Variants in ADCK1 observed in about 807,000 individuals in gnomAD.
ADCK1 encodes aarF domain-containing protein kinase 1.
A neutral mutation model predicts 52.3 loss-of-function variants in ADCK1; 41 were observed. The ratio of observed to expected loss-of-function variants is 0.78; its 90% confidence interval spans 0.61 to 1.02. The LOEUF is 1.02. Ranked by LOEUF, ADCK1 falls within the 50% of genes least tolerant of loss-of-function variation. The pLI, the probability that ADCK1 is intolerant of heterozygous loss-of-function variation, is 0.00. For synonymous variants in ADCK1, 250 were observed against 274.6 expected (o/e 0.91, Z 0.89); for missense variants, 658 against 679.5 (o/e 0.97, Z 0.35).
At chr14:77,859,458 G>A (rs972826607) in intron 4 of ADCK1, among the ~76,000 whole-genome samples, 179 bp downstream of exon 4, 3 of 152,208 alleles carry the variant, frequency 2.0e-5, no homozygotes, top group Non-Finnish European at 2.9e-5. Context: ...GGCCCTCAGT[G>A]AAACATACCA....
At chr14:77,831,388 C>T (rs552695973) in intron 3 of ADCK1, among the ~76,000 whole-genome samples, 3 of 152,210 alleles carry the variant, frequency 2.0e-5, no homozygotes, top group Admixed American at 6.5e-5. Flanking sequence ...AGAATGTTCT[C>T]CTGTAGTACT....
chr14:77,894,736 G>GTTTTTTTTTTTTTTTTTTTTTTT lies in ADCK1; in HGVS notation c.583-4358_583-4336dup. On this transcript the variant is annotated intron_variant, in intron 5 of 10. Coordinates refer to ENST00000238561, the MANE Select transcript of ADCK1 (RefSeq NM_020421.4). ...TTATTTCTTTTTCTTTTCTTTTCTTGTTTTTTTTTTTTTTTTTTTTTTTTT... is the reference window on the plus strand; with the variant it reads ...TTATTTCTTTTTCTTTTCTTTTCTTGTTTTTTTTTTTTTTTTTTTTTTTTTTTTTTTTTTTTTTTTTTTTTTTT... 4.4e-4 allele frequency among the ~76,000 whole-genome samples: 16 copies of GTTTTTTTTTTTTTTTTTTTTTTT among 36,476 alleles called. 4 individuals are homozygous for GTTTTTTTTTTTTTTTTTTTTTTT. The highest frequency in any genetic ancestry group is 2.1e-3 in the East Asian group (2 of 954). 23.9% of individuals were successfully genotyped at this position (36,476 alleles called of 152,430 possible). A position where few individuals can be genotyped will look rare whatever the true frequency, so the allele number is the denominator to read the frequency against.
At position 77,905,304 on chromosome 14, in the gene ADCK1, GTTTT is replaced by G. The variant is rs58057378; in HGVS notation, c.742-2482_742-2479del. Among the ~76,000 whole-genome samples, 719 of 96,278 alleles carry G rather than the reference GTTTT, an allele frequency of 7.5e-3. 9 individuals are homozygous for G. The highest frequency in any genetic ancestry group is 0.029 in the African/African-American group (681 of 23,116). The allele number at this position is 96,278 out of a possible 152,430, so 63.2% of individuals were successfully genotyped here. Reference sequence around the variant, plus strand: ...TCCACCTGTGACTCTTTCCTAGCTGGTTTTTTTTTTTTTTTTTTTTGAGATGGAA... The same window carrying G: ...TCCACCTGTGACTCTTTCCTAGCTGGTTTTTTTTTTTTTTTTGAGATGGAA... On this transcript the variant is annotated intron_variant, in intron 6 of 10. Transcript: ENST00000238561.
At chr14:77,856,917 G>A (rs566171140) in intron 3 of ADCK1, among the ~76,000 whole-genome samples, 48 of 152,052 alleles carry the variant, frequency 3.2e-4, no homozygotes, top group African/African-American at 1.1e-3. Flanking sequence ...TAGGAGAATC[G>A]CTTGTATCTG....
rs533940839 is a variant in ADCK1 at position 77,903,405 on chromosome 14, C to T, written c.741+4147C>T. Among the ~76,000 whole-genome samples the T allele has an allele frequency of 5.9e-5, 9 of 152,316 alleles. No individual in the cohort carries two copies. The South Asian group carries it at 6.2e-4, about 11-fold the overall frequency. On this transcript the variant is annotated intron_variant, in intron 6 of 10. Coordinates refer to ENST00000238561, the MANE Select transcript of ADCK1 (RefSeq NM_020421.4). Reference sequence around the variant, plus strand: ...ACCTCTCAGTGTGTGAGGCATCTTCCGGTGCTTATGTGCGGTTTAAGAACC... The same window carrying T: ...ACCTCTCAGTGTGTGAGGCATCTTCTGGTGCTTATGTGCGGTTTAAGAACC...
chr14:77,903,666 T>C lies in ADCK1; in HGVS notation c.742-4137T>C, dbSNP rs189970874. On this transcript the variant is annotated intron_variant, in intron 6 of 10. Transcript: ENST00000238561. ...GCTTTATAACCACAGGGTTTGGGAC[T>C]GGAAGTGATGAGACCATTTCTGTAT... 2.6e-5 allele frequency among the ~76,000 whole-genome samples: 4 copies of C among 152,272 alleles called. No homozygotes were observed. In the East Asian group the frequency reaches 7.7e-4, roughly 29 times the overall value.
chr14:77,855,675 T>C (rs536863022), intron 3 of ADCK1, among the ~76,000 whole-genome samples: 2 of 152,194 alleles, frequency 1.3e-5, no homozygotes, highest in South Asian at 4.1e-4. Context: ...GGATGAGGGG[T>C]TACAATTTCA....
intron 4 of ADCK1, among the ~76,000 whole-genome samples, chr14:77,865,878 G>A (rs544313326): frequency 6.6e-6 from 1 of 152,318 alleles, no homozygotes; most frequent in South Asian, 2.1e-4. Flanking sequence ...AGGGCAAGGG[G>A]CAGTAAACGT....
chr14:77,825,694 T>C (rs903051363), intron 3 of ADCK1, among the ~76,000 whole-genome samples: 1 of 148,468 alleles, frequency 6.7e-6, no homozygotes, highest in African/African-American at 2.5e-5. Context: ...CAGGCTGGAG[T>C]GCAGTGGTGC....
At chr14:77,815,717 G>A (rs2081434283) in intron 1 of ADCK1, among the ~76,000 whole-genome samples, 2 of 150,892 alleles carry the variant, frequency 1.3e-5, no homozygotes, top group African/African-American at 4.9e-5. Context: ...CAAGGTTTCA[G>A]CATATTGGCC....
intron 4 of ADCK1, among the ~76,000 whole-genome samples, chr14:77,877,748 G>A (rs2082932055): frequency 6.6e-6 from 1 of 152,206 alleles, no homozygotes; most frequent in South Asian, 2.1e-4. Context: ...GGGACTACAG[G>A]TGTGTGCCAC....
At chr14:77,853,389 G>A (rs1036583264) in intron 3 of ADCK1, among the ~76,000 whole-genome samples, 56 of 152,204 alleles carry the variant, frequency 3.7e-4, no homozygotes, top group Admixed American at 1.8e-3. Context: ...CAAAATGCTG[G>A]GATTACAGGT....
intron 7 of ADCK1, among the ~76,000 whole-genome samples, chr14:77,920,056 G>A (rs974290385): frequency 2.0e-4 from 30 of 152,130 alleles, no homozygotes; most frequent in African/African-American, 6.8e-4. Flanking sequence ...TGGATTGTCT[G>A]TTTACCCTGC....
rs535840108 is a variant in ADCK1, at chr14:77,869,556, C to G, written c.423+10277C>G. Among the ~76,000 whole-genome samples, 6 of 152,278 alleles carry G rather than the reference C, an allele frequency of 3.9e-5. No individual in the cohort carries two copies. The East Asian group carries it at 1.2e-3, about 29-fold the overall frequency. ...CCTCATTTCCAAATAAGGTCACATTCTAGGCTGGGGTTAGGACTTCCACAT... is the reference window on the plus strand; with the variant it reads ...CCTCATTTCCAAATAAGGTCACATTGTAGGCTGGGGTTAGGACTTCCACAT... On this transcript the variant is annotated intron_variant, in intron 4 of 10. Coordinates refer to ENST00000238561, the MANE Select transcript of ADCK1 (RefSeq NM_020421.4).
rs1468887130 is a variant in ADCK1 at position 77,933,324 on chromosome 14, T to C, written c.1505T>C (p.Val502Ala). Residue 502 changes from valine to alanine, a missense_variant, in exon 11 of 11, where the codon GTG becomes GCG. Physicochemically the swap from Val to Ala is moderately conservative, Grantham distance 64. Transcript: ENST00000238561. Reference protein sequence around the residue: ...QINLHELILRVKGLKLADRVL... With the variant: ...QINLHELILRAKGLKLADRVL... Reference sequence around the variant, plus strand: ...AACCTCCATGAGCTCATCCTGCGTGTGAAGGGGTTGAAGCTGGCTGACCGG... The same window carrying C: ...AACCTCCATGAGCTCATCCTGCGTGCGAAGGGGTTGAAGCTGGCTGACCGG... The C allele has an allele frequency of 6.2e-7, 1 of 1,614,204 alleles. No homozygotes were observed. Among genetic ancestry groups the C allele is most frequent in the South Asian group, 1.1e-5 (1 of 91,084 alleles).
chr14:77,831,744 A>G (rs1364786322), intron 3 of ADCK1, among the ~76,000 whole-genome samples: 1 of 151,938 alleles, frequency 6.6e-6, no homozygotes, highest in Non-Finnish European at 1.5e-5. Context: ...TGTGAGCCAC[A>G]ATGCCCAGCC....
chr14:77,871,327 G>A (rs1294955340), intron 4 of ADCK1, among the ~76,000 whole-genome samples: 1 of 152,052 alleles, frequency 6.6e-6, no homozygotes, highest in East Asian at 1.9e-4. Context: ...AAGGGCCAAG[G>A]TAGGATATTC....
intron 3 of ADCK1, among the ~76,000 whole-genome samples, chr14:77,858,559 A>C (rs150632652): frequency 1.3e-5 from 2 of 152,196 alleles, no homozygotes; most frequent in Non-Finnish European, 2.9e-5. Flanking sequence ...CCTTAGCAAC[A>C]AAACGACGGA....
At chr14:77,870,985 G>A (rs752341921) in intron 4 of ADCK1, among the ~76,000 whole-genome samples, 1 of 152,204 alleles carries the variant, frequency 6.6e-6, no homozygotes, top group Non-Finnish European at 1.5e-5. Context: ...GTTCTTCCTC[G>A]TGGCAGTCCT....
Sources: gnomAD v4.1 joint callset for allele counts (sites outside exome capture counted in the v4.1 genomes callset) on GRCh38, gnomAD v4.1.1 for gene constraint, MANE v1.5 for transcripts, NCBI Gene and HGNC (gene_info 2026-07-23, HGNC 2026-07-21) for gene names.